HLCS: variants seen among roughly 807,000 people sequenced by gnomAD.
The protein encoded by HLCS is holocarboxylase synthetase, also known as biotin--protein ligase.
In HLCS, 53 loss-of-function variants were observed where a neutral mutation model predicts 75.0. The ratio of observed to expected loss-of-function variants is 0.71; its 90% confidence interval spans 0.57 to 0.89. The LOEUF is 0.89. Among genes scored for constraint, HLCS ranks in the 40% least tolerant of loss-of-function variants. The pLI is 0.00. For synonymous variants in HLCS, 431 were observed against 428.6 expected, an observed-to-expected ratio of 1.01 and a Z score of -0.07; for missense variants, 966 against 1,074.0, an observed-to-expected ratio of 0.90 and a Z score of 1.41.
chr21:36,981,791 CTT>C (rs1400411741), intron 1 of HLCS, among the ~76,000 whole-genome samples: 1 of 152,182 alleles, frequency 6.6e-6, no homozygotes, highest in Non-Finnish European at 1.5e-5. Context: ...GAATGCTTCA[CTT>C]TCAGCACAAA....
chr21:36,976,837 C>T (rs8127236), intron 1 of HLCS, among the ~76,000 whole-genome samples: 52,510 of 150,726 alleles, frequency 0.35, 9,235 homozygotes, highest in Middle Eastern at 0.49. Context: ...AGCAAATTAT[C>T]TCATCTCTCT....
chr21:36,847,613 C>T (rs2062841903), intron 6 of HLCS, among the ~76,000 whole-genome samples: 2 of 152,088 alleles, frequency 1.3e-5, no homozygotes, highest in African/African-American at 4.8e-5. Context: ...ACCAAAATAA[C>T]ATTTGGGTCA....
At chr21:36,888,465 TA>T (rs2064610011) in intron 6 of HLCS, among the ~76,000 whole-genome samples, 4 of 33,406 alleles carry the variant, frequency 1.2e-4, no homozygotes, top group South Asian at 5.6e-3. Context: ...TATATATATA[TA>T]TATATATATA....
At chr21:36,815,824 A>G (rs983336728) in intron 6 of HLCS, among the ~76,000 whole-genome samples, 4 of 152,220 alleles carry the variant, frequency 2.6e-5, no homozygotes, top group African/African-American at 7.2e-5. Flanking sequence ...GGGCAAATAC[A>G]TGAGATTTTT....
At chr21:36,861,179 G>T (rs1321759858) in intron 6 of HLCS, among the ~76,000 whole-genome samples, 1 of 151,994 alleles carries the variant, frequency 6.6e-6, no homozygotes, top group Non-Finnish European at 1.5e-5. Flanking sequence ...AGCACAGGCG[G>T]TGTCTCTACA....
chr21:36,883,361 A>C (rs1339690080), intron 6 of HLCS, among the ~76,000 whole-genome samples: 1 of 152,240 alleles, frequency 6.6e-6, no homozygotes, highest in Admixed American at 6.5e-5. Context: ...AGGAGGAAAA[A>C]TACCTGCTGG....
chr21:36,933,811 G>C (rs1040231629), intron 4 of HLCS, among the ~76,000 whole-genome samples: 5 of 152,176 alleles, frequency 3.3e-5, no homozygotes, highest in African/African-American at 1.2e-4. Context: ...TGGACTCACT[G>C]GTCAGGGTGA....
chr21:36,833,361 G>T (rs1206034844), intron 6 of HLCS, among the ~76,000 whole-genome samples: 3 of 150,564 alleles, frequency 2.0e-5, no homozygotes, highest in African/African-American at 7.3e-5. Context: ...AAGGTGGGTG[G>T]ATCACTTGAG....
intron 5 of HLCS, among the ~76,000 whole-genome samples, chr21:36,904,790 T>C (rs1428348157): frequency 3.9e-5 from 6 of 152,222 alleles, no homozygotes; most frequent in Admixed American, 3.9e-4. Flanking sequence ...GAGAGTTGCA[T>C]ATACAGCTGC....
At chr21:36,767,152 T>G in intron 7 of HLCS, 66 bp downstream of exon 7, 1 of 1,506,426 alleles carries the variant, frequency 6.6e-7, no homozygotes, top group Non-Finnish European at 9.2e-7. Context: ...AATGGGCTCC[T>G]GGGCCACAAG....
intron 6 of HLCS, among the ~76,000 whole-genome samples, chr21:36,823,610 G>GGGGTGGGT (rs372824950): frequency 7.5e-6 from 1 of 132,726 alleles, no homozygotes; most frequent in African/African-American, 2.8e-5. Flanking sequence ...AAACGTGCAG[G>GGGGTGGGT]GTGTGTGTGT....
intron 2 of HLCS, among the ~76,000 whole-genome samples, chr21:36,950,439 C>G (rs930056872): frequency 6.6e-6 from 1 of 151,700 alleles, no homozygotes; most frequent in Non-Finnish European, 1.5e-5. Flanking sequence ...AGTGTTAGTC[C>G]TAGGCAGAAA....
chr21:36,779,110 T>C (rs996854507), intron 6 of HLCS, among the ~76,000 whole-genome samples: 11 of 151,988 alleles, frequency 7.2e-5, no homozygotes, highest in Admixed American at 2.6e-4. Context: ...CCAGACTGCC[T>C]CCCAAGTCCC....
chr21:36,833,154 G>A (rs12626955), intron 6 of HLCS, among the ~76,000 whole-genome samples: 15,318 of 151,808 alleles, frequency 0.1, 898 homozygotes, highest in South Asian at 0.16. Flanking sequence ...CCAACCTGCT[G>A]GGACTACAGG....
chr21:36,923,919 C>T (rs2066287141), intron 5 of HLCS, among the ~76,000 whole-genome samples: 1 of 152,104 alleles, frequency 6.6e-6, no homozygotes, highest in Non-Finnish European at 1.5e-5. Context: ...TATGAAAGAC[C>T]CTTAAAAGCA....
intron 6 of HLCS, among the ~76,000 whole-genome samples, chr21:36,785,069 G>A (rs1287592872): frequency 6.6e-6 from 1 of 152,088 alleles, no homozygotes; most frequent in African/African-American, 2.4e-5. Context: ...CGCCTTCGGG[G>A]TAATGACAAG....
chr21:36,904,641 C>T (rs2065375367), intron 5 of HLCS, among the ~76,000 whole-genome samples: 1 of 152,106 alleles, frequency 6.6e-6, no homozygotes, highest in Non-Finnish European at 1.5e-5. Flanking sequence ...AAACTTTCTC[C>T]CCGCTCCACC....
intron 6 of HLCS, among the ~76,000 whole-genome samples, chr21:36,776,795 G>T (rs1420517758): frequency 6.6e-6 from 1 of 152,230 alleles, no homozygotes; most frequent in Admixed American, 6.5e-5. Context: ...CTCTGCAGCC[G>T]TATGGTTTCT....
intron 2 of HLCS, among the ~76,000 whole-genome samples, chr21:36,958,540 G>C (rs2146646596): frequency 6.6e-6 from 1 of 152,316 alleles, no homozygotes; most frequent in South Asian, 2.1e-4. Context: ...TGTAATCCTA[G>C]CACTTTGGGA....
Sources: gnomAD v4.1 joint callset for allele counts (sites outside exome capture counted in the v4.1 genomes callset) on GRCh38, gnomAD v4.1.1 for gene constraint, MANE v1.5 for transcripts, NCBI Gene and HGNC (gene_info 2026-07-23, HGNC 2026-07-21) for gene names.